The following PTPRT variants were observed in gnomAD, a reference collection of about 807,000 sequenced individuals.
The protein encoded by PTPRT is protein tyrosine phosphatase receptor type T.
In PTPRT, 56 loss-of-function variants were observed where a neutral mutation model predicts 176.8. The observed-to-expected ratio is 0.32, with a 90% CI of 0.26 to 0.40. PTPRT has a LOEUF of 0.40. PTPRT is among the 10% of genes least tolerant of loss of function. PTPRT has a pLI of 1.00. For missense variants in PTPRT, 1,540 were observed against 1,908.2 expected (o/e 0.81, Z 3.60); for synonymous variants, 783 against 739.0 (o/e 1.06, Z -0.96).
chr20:42,684,765 GA>G (rs1466677644), intron 6 of PTPRT, among the ~76,000 whole-genome samples: 1 of 152,132 alleles, frequency 6.6e-6, no homozygotes, highest in South Asian at 2.1e-4. Flanking sequence ...TAAGCCTTCA[GA>G]AAAAATAACA....
chr20:42,110,550 C>T (rs986910406), intron 22 of PTPRT, 63 bp from the exon 23 acceptor site: 11 of 1,519,802 alleles, frequency 7.2e-6, no homozygotes, highest in East Asian at 4.6e-5. Context: ...CCCAGCAACA[C>T]GTGGAGCCAT....
At chr20:42,588,714 T>C (rs2073516189) in intron 7 of PTPRT, among the ~76,000 whole-genome samples, 1 of 152,182 alleles carries the variant, frequency 6.6e-6, no homozygotes, top group Admixed American at 6.5e-5. Context: ...TTAAATTACA[T>C]ATATGGTTTG....
intron 7 of PTPRT, among the ~76,000 whole-genome samples, chr20:42,622,604 C>G (rs1172181398): frequency 6.6e-6 from 1 of 152,110 alleles, no homozygotes. Flanking sequence ...TCAGCTTGGT[C>G]TTTGGCTCCA....
intron 24 of PTPRT, 42 bp from the exon 25 acceptor site, chr20:42,104,760 C>T (rs1329740935): frequency 3.3e-6 from 5 of 1,520,474 alleles, no homozygotes; most frequent in East Asian, 4.5e-5. Flanking sequence ...CAGGTAAGAA[C>T]AGTGGCCTGG....
At chr20:42,056,581 C>A in the PTPRT span, among the ~76,000 whole-genome samples, 1 of 152,302 alleles carries the variant, frequency 6.6e-6, no homozygotes, top group African/African-American at 2.4e-5. Flanking sequence ...TTTGATGCTG[C>A]AAGAATGCTG....
intron 19 of PTPRT, among the ~76,000 whole-genome samples, chr20:42,127,134 C>T (rs1225462945): frequency 6.6e-6 from 1 of 152,174 alleles, no homozygotes; most frequent in Non-Finnish European, 1.5e-5. Flanking sequence ...AGATCAGGGA[C>T]AGGACTAGGC....
At chr20:42,457,225 A>T (rs1368300577) in intron 8 of PTPRT, among the ~76,000 whole-genome samples, 1 of 152,196 alleles carries the variant, frequency 6.6e-6, no homozygotes, top group Non-Finnish European at 1.5e-5. Flanking sequence ...CCCTAAATAC[A>T]ATAGAGTTTA....
At chr20:43,043,032 G>A (rs1254414227) in intron 1 of PTPRT, among the ~76,000 whole-genome samples, 6 of 152,162 alleles carry the variant, frequency 3.9e-5, no homozygotes, top group Non-Finnish European at 8.8e-5. Flanking sequence ...CTGAATCACA[G>A]AAAGGATACA....
chr20:42,720,222 C>T lies in PTPRT; in HGVS notation c.859+36240G>A, dbSNP rs1181486731. Among the ~76,000 whole-genome samples, 6 of 152,100 alleles carry T rather than the reference C, an allele frequency of 3.9e-5. No individual in the cohort carries two copies. In the South Asian group the frequency reaches 6.2e-4, roughly 16 times the overall value. On this transcript the variant is annotated intron_variant, in intron 6 of 30. Transcript: ENST00000373187. Reference sequence around the variant, plus strand: ...TATATATTGAACATTGCCTTTGTACCGAACCGTGGGCTTACATGCATGATA... The same window carrying T: ...TATATATTGAACATTGCCTTTGTACTGAACCGTGGGCTTACATGCATGATA...
chr20:42,802,824 C>T (rs2145589896), intron 2 of PTPRT, among the ~76,000 whole-genome samples: 1 of 152,314 alleles, frequency 6.6e-6, no homozygotes, highest in African/African-American at 2.4e-5. Context: ...GCTCTGTCAG[C>T]TCTCAGCTGT....
At chr20:42,501,317 A>G (rs769680138) in intron 7 of PTPRT, among the ~76,000 whole-genome samples, 2 of 152,198 alleles carry the variant, frequency 1.3e-5, no homozygotes, top group African/African-American at 2.4e-5. Context: ...AGCGCATTAC[A>G]TGAATATCCC....
At chr20:42,887,382 G>A (rs2079120060) in intron 1 of PTPRT, among the ~76,000 whole-genome samples, 1 of 152,176 alleles carries the variant, frequency 6.6e-6, no homozygotes, top group African/African-American at 2.4e-5. Flanking sequence ...GCCCTCACCA[G>A]ATGCTGAATC....
Position 42,077,813 on chromosome 20 carries a change from ATT to A in PTPRT, c.*3064_*3065del, listed in dbSNP as rs3084621. 1.1e-5 allele frequency: 2 copies of A among 180,826 alleles called. No homozygotes were observed. The highest frequency in any genetic ancestry group is 2.3e-5 in the Non-Finnish European group (2 of 87,316). The allele number at this position is 180,826 out of a possible 1,614,324, so 11.2% of individuals were successfully genotyped here. ...CTGGGTTACCCCAACATGGCCTGAG[ATT>A]TTTTTTTTTTGCAAGTTTGTTTCTC... is the stretch of plus-strand genomic sequence containing the variant. On this transcript the variant is annotated 3_prime_UTR_variant, in exon 31 of 31. Coordinates refer to ENST00000373187, the MANE Select transcript of PTPRT (RefSeq NM_007050.6).
chr20:42,983,557 A>T (rs755860573), intron 1 of PTPRT, among the ~76,000 whole-genome samples: 1 of 152,174 alleles, frequency 6.6e-6, no homozygotes, highest in Non-Finnish European at 1.5e-5. Context: ...CAAGCTGGGC[A>T]CATGACACCA....
intron 7 of PTPRT, among the ~76,000 whole-genome samples, chr20:42,522,032 TACA>T (rs1013779684): frequency 5.3e-5 from 8 of 151,946 alleles, no homozygotes; most frequent in African/African-American, 1.5e-4. Flanking sequence ...AAAGAAATAG[TACA>T]ACAAGAACTT....
At chr20:42,093,868 C>T (rs757133321) in intron 27 of PTPRT, among the ~76,000 whole-genome samples, 6 of 152,188 alleles carry the variant, frequency 3.9e-5, no homozygotes, top group Non-Finnish European at 7.3e-5. Context: ...CATAAGGCGC[C>T]CAGCTGCTGC....
At chr20:42,285,647 G>A (rs1016770798) in intron 12 of PTPRT, among the ~76,000 whole-genome samples, 2 of 151,596 alleles carry the variant, frequency 1.3e-5, no homozygotes, top group Non-Finnish European at 3.0e-5. Context: ...AGAAAGCTGT[G>A]GTCTCTCTTA....
At chr20:42,619,095 T>G (rs1377920331) in intron 7 of PTPRT, among the ~76,000 whole-genome samples, 6 of 151,184 alleles carry the variant, frequency 4.0e-5, no homozygotes, top group African/African-American at 1.5e-4. Context: ...CTCCTTTCCA[T>G]GTTTAGCGCT....
At chr20:43,188,021 G>C (rs1396843940) in intron 1 of PTPRT, among the ~76,000 whole-genome samples, 2 of 152,194 alleles carry the variant, frequency 1.3e-5, no homozygotes, top group African/African-American at 2.4e-5. Context: ...AACGATTCGA[G>C]ACCCGTGATG....
Sources: allele counts gnomAD v4.1 joint callset (sites outside exome capture counted in the v4.1 genomes callset), GRCh38; gene constraint gnomAD v4.1.1; transcripts MANE v1.5; gene names NCBI Gene and HGNC (gene_info 2026-07-23, HGNC 2026-07-21).